Variants in ZBTB38 observed in about 807,000 individuals in gnomAD.
The protein encoded by ZBTB38 is zinc finger and BTB domain containing 38.
In ZBTB38, 20 loss-of-function variants were observed where a neutral mutation model predicts 76.8. The ratio of observed to expected loss-of-function variants is 0.26; its 90% CI spans 0.18 to 0.38. ZBTB38 has a LOEUF of 0.38. Ranked by LOEUF, ZBTB38 falls within the 10% of genes least tolerant of loss-of-function variation. ZBTB38 has a pLI of 1.00. For synonymous variants in ZBTB38, 504 were observed against 544.2 expected, an observed-to-expected ratio of 0.93 and a Z score of 1.03; for missense variants, 1,082 against 1,482.3, an observed-to-expected ratio of 0.73 and a Z score of 4.43.
intron 5 of ZBTB38, among the ~76,000 whole-genome samples, chr3:141,411,382 G>T (rs530240193): frequency 6.6e-6 from 1 of 152,180 alleles, no homozygotes; most frequent in Non-Finnish European, 1.5e-5. Context: ...TCCCTGACTT[G>T]AGCCCAAAGA....
chr3:141,416,265 CT>C (rs1343301172), intron 5 of ZBTB38, among the ~76,000 whole-genome samples: 1 of 152,178 alleles, frequency 6.6e-6, no homozygotes, highest in Non-Finnish European at 1.5e-5. Context: ...AATTAAAAGC[CT>C]TTTCAGCCCT....
At chr3:141,423,228 C>T (rs974072685) in intron 5 of ZBTB38, among the ~76,000 whole-genome samples, 3 of 152,194 alleles carry the variant, frequency 2.0e-5, no homozygotes, top group African/African-American at 7.2e-5. Flanking sequence ...GACCCTGCTT[C>T]CAATACCTTT....
In ZBTB38 at chr3:141,348,273, T is replaced by C. The variant is rs1044096999; in HGVS notation, c.-738-20348T>C. Among the ~76,000 whole-genome samples the C allele has an allele frequency of 6.6e-5, 10 of 152,348 alleles. No homozygotes were observed. The South Asian group carries it at 2.1e-3, about 32-fold the overall frequency. ...ATCATAAGCCCGTGAATAATTGTTA[T>C]TCATAATGGAACTGCTACTGTATTT... is the stretch of plus-strand genomic sequence containing the variant. On this transcript the variant is annotated intron_variant, in intron 1 of 7. Coordinates refer to the ZBTB38 transcript ENST00000509842.
chr3:141,418,606 G>A (rs2074631562), intron 5 of ZBTB38, among the ~76,000 whole-genome samples: 1 of 152,138 alleles, frequency 6.6e-6, no homozygotes, highest in African/African-American at 2.4e-5. Flanking sequence ...CCAAGGAGAG[G>A]AAATCATTCT....
At chr3:141,370,666 C>T (rs995414167) in intron 2 of ZBTB38, among the ~76,000 whole-genome samples, 3 of 152,256 alleles carry the variant, frequency 2.0e-5, no homozygotes, top group Non-Finnish European at 2.9e-5. Flanking sequence ...TTCTCAACAC[C>T]TCTGTCCATT....
At chr3:141,410,866 A>G (rs957877911) in intron 5 of ZBTB38, among the ~76,000 whole-genome samples, 1 of 151,966 alleles carries the variant, frequency 6.6e-6, no homozygotes, top group African/African-American at 2.4e-5. Flanking sequence ...GCGCACCCCT[A>G]TTTTTCTGGC....
intron 1 of ZBTB38, among the ~76,000 whole-genome samples, chr3:141,336,769 G>A (rs1301152060): frequency 1.3e-5 from 2 of 152,198 alleles, no homozygotes; most frequent in Non-Finnish European, 2.9e-5. Context: ...TTCCCACATG[G>A]TAGGACATTT....
intron 1 of ZBTB38, among the ~76,000 whole-genome samples, chr3:141,342,367 C>G (rs371733007): frequency 3.3e-4 from 40 of 121,836 alleles, no homozygotes; most frequent in African/African-American, 1.3e-3. Flanking sequence ...TGAGCAATCT[C>G]AACAGAGCCA....
rs753851728 is a variant in ZBTB38 at position 141,444,095 on chromosome 3, G to T, written c.1707G>T (p.Leu569=). The T allele has an allele frequency of 6.2e-7, 1 of 1,613,986 alleles. No individual in the cohort carries two copies. Among genetic ancestry groups the T allele is most frequent in the Admixed American group, 1.7e-5 (1 of 59,970 alleles). The part of the protein sequence containing the change: ...SVYPYKLYRL[L]PMKCKRAPYK... ...ATCCGTATAAACTTTATAGGCTACT[G>T]CCTATGAAATGCAAGAGAGCCCCTT... Residue 569 remains leucine, a synonymous_variant, in exon 6 of 6, where the codon CTG becomes CTT. Transcript: ENST00000321464. This position sits in a 1 kb window ranked among gnomAD's most constrained non-coding sequence, Gnocchi z 5.1.
At chr3:141,353,230 C>T (rs867236631) in intron 1 of ZBTB38, among the ~76,000 whole-genome samples, 5 of 151,910 alleles carry the variant, frequency 3.3e-5, no homozygotes, top group African/African-American at 7.3e-5. Flanking sequence ...TCTCTTCTAC[C>T]GCCTCCTCTT....
chr3:141,418,495 C>G (rs1296670811), intron 5 of ZBTB38, among the ~76,000 whole-genome samples: 2 of 152,222 alleles, frequency 1.3e-5, no homozygotes, highest in Non-Finnish European at 1.5e-5. Flanking sequence ...CAGTGAAGCA[C>G]TCTCATCATC....
At chr3:141,373,884 C>A (rs1944978779) in intron 2 of ZBTB38, among the ~76,000 whole-genome samples, 1 of 152,168 alleles carries the variant, frequency 6.6e-6, no homozygotes, top group Non-Finnish European at 1.5e-5. Flanking sequence ...AATCCCAGCA[C>A]TTTGGGAGGC....
rs976691346 is a variant in ZBTB38, at chr3:141,448,961, A to C, written c.*2985A>C. ...CTTATAATGATAAATCAGAGAATGA[A>C]ATGCTCTCCAGGAAGCATTCTGCTC... is the stretch of plus-strand genomic sequence containing the variant. On this transcript the variant is annotated 3_prime_UTR_variant, in exon 6 of 6. Coordinates refer to ENST00000321464, the MANE Select transcript of ZBTB38 (RefSeq NM_001376113.1). 6.6e-6 allele frequency: 1 copy of C among 152,208 alleles called. No homozygotes were observed. The highest frequency in any genetic ancestry group is 1.5e-5 in the Non-Finnish European group (1 of 68,032). The allele number at this position is 152,208 out of a possible 1,614,324, so 9.4% of individuals were successfully genotyped here. A position where few individuals can be genotyped will look rare whatever the true frequency, so the allele number is the denominator to read the frequency against.
rs145880990 is a variant in ZBTB38, at chr3:141,349,311, C to T, written c.-738-19310C>T. 7.0e-3 allele frequency among the ~76,000 whole-genome samples: 1,064 copies of T among 152,240 alleles called. 13 individuals are homozygous for T. The highest frequency in any genetic ancestry group is 0.023 in the African/African-American group (940 of 41,552). ...AGCAGCAAATAGTTATAAAACACTG[C>T]AATTAGTACATTATATATTAATTCA... On this transcript the variant is annotated intron_variant, in intron 1 of 7. Transcript: ENST00000509842.
At chr3:141,400,890 A>C (rs562601337) in intron 4 of ZBTB38, among the ~76,000 whole-genome samples, 1 of 152,370 alleles carries the variant, frequency 6.6e-6, no homozygotes, top group South Asian at 2.1e-4. Context: ...AAACCCAGGC[A>C]GGCTGAATCC....
chr3:141,433,216 C>CT (rs1249568910), intron 5 of ZBTB38, among the ~76,000 whole-genome samples: 1 of 151,548 alleles, frequency 6.6e-6, no homozygotes, highest in African/African-American at 2.4e-5. Context: ...CTCTTTAGTC[C>CT]TTTTAGGCTT....
chr3:141,328,144 CCT>C (rs1421914558), intron 1 of ZBTB38, among the ~76,000 whole-genome samples: 1 of 152,118 alleles, frequency 6.6e-6, no homozygotes, highest in Non-Finnish European at 1.5e-5. Flanking sequence ...ACAGTGACAC[CCT>C]CTCTTCCAGT....
chr3:141,330,103 A>G (rs1192049031), intron 1 of ZBTB38, among the ~76,000 whole-genome samples: 1 of 152,192 alleles, frequency 6.6e-6, no homozygotes, highest in Non-Finnish European at 1.5e-5. Context: ...GAAAGGTGGC[A>G]CAGTCACCAG....
chr3:141,347,881 AT>A lies in ZBTB38; in HGVS notation c.-738-20738del, dbSNP rs769956545. Among the ~76,000 whole-genome samples, 99 of 152,230 alleles carry A rather than the reference AT, an allele frequency of 6.5e-4. 1 individual carries two copies. The highest frequency in any genetic ancestry group is 1.3e-3 in the Non-Finnish European group (89 of 68,038). ...GCTGTCACTATTCTTAGCTTCTCAG[AT>A]TCTCTGTCACCTGTGTAACCAAGTC... On this transcript the variant is annotated intron_variant, in intron 1 of 7. Coordinates refer to the ZBTB38 transcript ENST00000509842.
Sources: allele counts gnomAD v4.1 joint callset (sites outside exome capture counted in the v4.1 genomes callset), GRCh38; gene constraint gnomAD v4.1.1; non-coding constraint Gnocchi (gnomAD v3.1); transcripts MANE v1.5; gene names NCBI Gene and HGNC (gene_info 2026-07-23, HGNC 2026-07-21).